TG: variants seen among roughly 807,000 people sequenced by gnomAD.
The protein encoded by TG is thyroglobulin.
In TG, 270 loss-of-function variants were observed where a neutral mutation model predicts 324.7. That is an observed-to-expected ratio of 0.83 (90% CI 0.75 to 0.92). The LOEUF (loss-of-function observed/expected upper bound fraction) is 0.92, where lower values mean the gene tolerates loss of function less well. Among genes scored for constraint, TG ranks in the 40% least tolerant of loss-of-function variants. The pLI, the probability that TG is intolerant of heterozygous loss-of-function variation, is 0.00. For synonymous variants in TG, 1,401 were observed against 1,327.0 expected (o/e 1.06, Z -1.21); for missense variants, 3,591 against 3,456.4 (o/e 1.04, Z -0.98).
intron 32 of TG, 120 bp downstream of exon 32, chr8:132,969,689 G>T (rs1829197595): frequency 2.6e-6 from 2 of 755,710 alleles, no homozygotes. Flanking sequence ...GAGCTGGGCT[G>T]ATCACGAGGT....
intron 43 of TG, among the ~76,000 whole-genome samples, chr8:133,109,556 C>T (rs952515322): frequency 2.6e-5 from 4 of 152,140 alleles, no homozygotes; most frequent in Admixed American, 6.5e-5. Context: ...AGTGGCAGCT[C>T]GTCTGGGTGG....
At chr8:132,878,388 G>A (rs375107776) in intron 5 of TG, among the ~76,000 whole-genome samples, 3 of 152,014 alleles carry the variant, frequency 2.0e-5, no homozygotes, top group Non-Finnish European at 2.9e-5. Context: ...AGGCCAAGGC[G>A]GGCAGATCAC....
intron 41 of TG, among the ~76,000 whole-genome samples, chr8:133,084,814 C>T (rs888383037): frequency 6.6e-6 from 1 of 152,260 alleles, no homozygotes; most frequent in African/African-American, 2.4e-5. Flanking sequence ...GACAGTTCTA[C>T]AGCTAGACCA....
intron 34 of TG, among the ~76,000 whole-genome samples, chr8:132,980,316 A>G (rs796887871): frequency 1.1e-4 from 17 of 152,148 alleles, no homozygotes; most frequent in African/African-American, 3.9e-4. Context: ...GCATTGACCA[A>G]TGGCCCATGA....
At chr8:133,073,353 ATTC>A (rs747500984) in intron 41 of TG, 3 of 152,108 alleles carry the variant, frequency 2.0e-5, no homozygotes, top group East Asian at 1.9e-4. Flanking sequence ...CTTAAATAGA[ATTC>A]TTCTTCTTAT....
rs1375560963 is a variant in TG at position 133,022,119 on chromosome 8, C to T, written c.7005C>T (p.Tyr2335=). Residue 2335 remains tyrosine (Y), a synonymous_variant, in exon 40 of 48, where the codon TAC becomes TAT. Transcript: ENST00000220616. ...VGNLIVVTAS[Y]RVGVFGFLSS... ...ACCTCATCGTGGTCACTGCCAGCTA[C>T]CGAGTGGGTGTCTTCGGCTTCCTGA... is the stretch of plus-strand genomic sequence containing the variant. The T allele has an allele frequency of 6.2e-7, 1 of 1,614,162 alleles. No homozygotes were observed. The highest frequency in any genetic ancestry group is 1.1e-5 in the South Asian group (1 of 91,076).
At position 132,887,998 on chromosome 8, in the gene TG, C is replaced by T; in HGVS notation, c.2191C>T (p.Gln731Ter). The change falls in exon 10 of 48, where the codon CAA becomes TAA. Residue 731 changes from glutamine to a stop codon, truncating the protein, a stop_gained. Coordinates refer to ENST00000220616, the MANE Select transcript of TG (RefSeq NM_003235.5). LOFTEE classifies it high-confidence loss of function. ...TTCCTCCCCAGGCCCCACGCCCTGT[C>T]AATTACAGTCTGAGCAAGCTTTCCT... ...GKPKKCPTPC[Q>*]LQSEQAFLRT... 1 of 1,613,968 alleles carries T rather than the reference C, an allele frequency of 6.2e-7. No individual in the cohort carries two copies. The highest frequency in any genetic ancestry group is 8.5e-7 in the Non-Finnish European group (1 of 1,179,944).
chr8:132,902,425 C>T (rs1206754552), intron 16 of TG, among the ~76,000 whole-genome samples: 1 of 152,022 alleles, frequency 6.6e-6, no homozygotes, highest in Admixed American at 6.6e-5. Context: ...AGGGAAGAGT[C>T]CCCCCACTCT....
At chr8:133,022,554 T>G (rs1388298800) in intron 40 of TG, among the ~76,000 whole-genome samples, 1 of 152,196 alleles carries the variant, frequency 6.6e-6, no homozygotes, top group East Asian at 1.9e-4. Flanking sequence ...ATAGCTCTTC[T>G]GCCCACAGGG....
chr8:132,928,793 A>G (rs900332369), intron 22 of TG, among the ~76,000 whole-genome samples: 56 of 152,370 alleles, frequency 3.7e-4, no homozygotes, highest in African/African-American at 1.1e-3. Context: ...TATATTATCA[A>G]TGTTAATGAG....
intron 41 of TG, among the ~76,000 whole-genome samples, chr8:133,094,458 T>C (rs1178448898): frequency 6.6e-6 from 1 of 152,052 alleles, no homozygotes; most frequent in Non-Finnish European, 1.5e-5. Context: ...GCCAGGATGG[T>C]CTCGATCTCC....
In TG at chr8:132,893,877, G is replaced by A. The variant is rs751586043; in HGVS notation, c.2949G>A (p.Ala983=). 6.2e-7 allele frequency: 1 copy of A among 1,614,068 alleles called. No individual in the cohort carries two copies. The highest frequency in any genetic ancestry group is 8.5e-7 in the Non-Finnish European group (1 of 1,179,968). ...PPLFPPREAF[A]EQFLRGSDYA... Reference sequence around the variant, plus strand: ...TCTTCCCGCCCCGGGAGGCTTTCGCGGAGCAGTTTCTGCGTGGGAGTGATT... The same window carrying A: ...TCTTCCCGCCCCGGGAGGCTTTCGCAGAGCAGTTTCTGCGTGGGAGTGATT... The change falls in exon 11 of 48, where the codon GCG becomes GCA. Residue 983 remains alanine, a synonymous_variant. Transcript: ENST00000220616.
At chr8:133,079,728 A>G (rs1845459182) in intron 41 of TG, among the ~76,000 whole-genome samples, 1 of 152,192 alleles carries the variant, frequency 6.6e-6, no homozygotes, top group Non-Finnish European at 1.5e-5. Flanking sequence ...GGAAGAAGGA[A>G]AAGGCAGTCT....
intron 8 of TG, among the ~76,000 whole-genome samples, chr8:132,885,253 T>C (rs1277284134): frequency 2.0e-5 from 3 of 152,084 alleles, no homozygotes; most frequent in Non-Finnish European, 4.4e-5. Flanking sequence ...ATTTTTTCTC[T>C]CTTAATGTGG....
At chr8:133,095,328 A>C (rs576786248) in intron 42 of TG, 120 bp downstream of exon 42, 1 of 1,388,606 alleles carries the variant, frequency 7.2e-7, no homozygotes, top group Non-Finnish European at 1.0e-6. Flanking sequence ...CTGATGACCA[A>C]CTGGAGCTGG....
chr8:133,115,425 A>G (rs569799180), intron 44 of TG, among the ~76,000 whole-genome samples: 144 of 152,110 alleles, frequency 9.5e-4, no homozygotes, highest in Non-Finnish European at 1.9e-3. Flanking sequence ...ATGGGGGGAA[A>G]CTCAGTTGGC....
intron 41 of TG, among the ~76,000 whole-genome samples, chr8:133,074,309 C>T (rs1172715564): frequency 6.6e-6 from 1 of 152,132 alleles, no homozygotes; most frequent in African/African-American, 2.4e-5. Flanking sequence ...TATTGCAATC[C>T]CTCAACCCAC....
chr8:132,949,263 C>T (rs934573326), intron 27 of TG, among the ~76,000 whole-genome samples: 2 of 152,150 alleles, frequency 1.3e-5, no homozygotes, highest in Non-Finnish European at 2.9e-5. Context: ...CACATCTGGG[C>T]CCTGCTCTAT....
chr8:133,129,752 C>A (rs1009630886), intron 45 of TG, among the ~76,000 whole-genome samples: 1 of 152,146 alleles, frequency 6.6e-6, no homozygotes, highest in African/African-American at 2.4e-5. Context: ...CTGCCTTGGC[C>A]TCCCAAAGTC....
Sources: gnomAD v4.1 joint callset for allele counts (sites outside exome capture counted in the v4.1 genomes callset) on GRCh38, gnomAD v4.1.1 for gene constraint, MANE v1.5 for transcripts, NCBI Gene and HGNC (gene_info 2026-07-23, HGNC 2026-07-21) for gene names.